PTPRE: variants seen among roughly 807,000 people sequenced by gnomAD.
The protein encoded by PTPRE is protein tyrosine phosphatase receptor type E.
A neutral mutation model predicts 102.0 loss-of-function variants in PTPRE; 51 were observed. The ratio of observed to expected loss-of-function variants is 0.50; its 90% confidence interval spans 0.40 to 0.63. PTPRE has a LOEUF of 0.63. PTPRE is among the 30% of genes least tolerant of loss of function. PTPRE has a pLI of 0.00. For synonymous variants in PTPRE, 345 were observed against 348.2 expected (o/e 0.99, Z 0.10); for missense variants, 752 against 915.1 (o/e 0.82, Z 2.30).
At chr10:128,010,595 CCTTTT>C (rs1844924531) in intron 2 of PTPRE, among the ~76,000 whole-genome samples, 1 of 29,332 alleles carries the variant, frequency 3.4e-5, no homozygotes, top group Non-Finnish European at 7.2e-5. Flanking sequence ...TCTTTTCTTT[CCTTTT>C]GAGATGGAGT....
chr10:128,080,748 G>T (rs1564980546), intron 20 of PTPRE, among the ~76,000 whole-genome samples: 1 of 152,174 alleles, frequency 6.6e-6, no homozygotes, highest in Non-Finnish European at 1.5e-5. Flanking sequence ...GTGCTCTCTT[G>T]CCTGGTAACA....
At chr10:128,079,419 CA>C (rs1028531394) in intron 19 of PTPRE, 140 bp from the exon 20 acceptor site, 876 of 1,127,460 alleles carry the variant, frequency 7.8e-4, no homozygotes, top group South Asian at 1.0e-3. Flanking sequence ...TACAAATGAT[CA>C]AAAAAAAATT....
chr10:128,036,782 G>A (rs985592081), intron 2 of PTPRE, among the ~76,000 whole-genome samples: 1 of 152,040 alleles, frequency 6.6e-6, no homozygotes, highest in South Asian at 2.1e-4. Flanking sequence ...CCATTGCTTA[G>A]ACCAATACGT....
At chr10:128,072,331 C>A (rs972213815) in intron 16 of PTPRE, 117 bp downstream of exon 16, 3 of 976,476 alleles carry the variant, frequency 3.1e-6, no homozygotes, top group Non-Finnish European at 4.5e-6. Flanking sequence ...AGAAACTCAG[C>A]CATTTTTGTT....
rs558746771 is a variant in PTPRE at position 128,014,556 on chromosome 10, T to C, written c.-7-26319T>C. Among the ~76,000 whole-genome samples, 65 of 152,220 alleles carry C rather than the reference T, an allele frequency of 4.3e-4. 1 individual carries two copies. The highest frequency in any genetic ancestry group is 4.1e-3 in the Admixed American group (63 of 15,278). On this transcript the variant is annotated intron_variant, in intron 2 of 20. Coordinates refer to ENST00000254667, the MANE Select transcript of PTPRE (RefSeq NM_006504.6). ...TATTTTTAATAAAAGAAGATTAAAA[T>C]CTGTGTATCTGCAGCATATTAAGGA... is the stretch of plus-strand genomic sequence containing the variant.
chr10:128,035,282 TAC>T (rs78184561), intron 2 of PTPRE, among the ~76,000 whole-genome samples: 2 of 151,270 alleles, frequency 1.3e-5, no homozygotes, highest in East Asian at 1.9e-4. Flanking sequence ...TGTATATATA[TAC>T]ACACACACAC....
At chr10:127,923,514 C>T (rs1846769092) in intron 1 of PTPRE, among the ~76,000 whole-genome samples, 2 of 151,616 alleles carry the variant, frequency 1.3e-5, no homozygotes, top group African/African-American at 4.9e-5. Context: ...AGTGATTCTC[C>T]CGCCTCAGCC....
Position 128,028,984 on chromosome 10 carries a change from T to G in PTPRE, c.-7-11891T>G. On this transcript the variant is annotated intron_variant, in intron 2 of 20. Coordinates refer to ENST00000254667, the MANE Select transcript of PTPRE (RefSeq NM_006504.6). This position sits in a 1 kb window ranked among gnomAD's most constrained non-coding sequence, Gnocchi z 4.5. ...CTCCCGCTGGGATTTGTCTCCACTT[T>G]GCAGTTGCCTTTTGCCCCACATGCC... is the stretch of plus-strand genomic sequence containing the variant. Among the ~76,000 whole-genome samples the G allele has an allele frequency of 6.6e-6, 1 of 152,226 alleles. No individual in the cohort carries two copies. The highest frequency in any genetic ancestry group is 1.5e-5 in the Non-Finnish European group (1 of 68,042).
At chr10:128,057,459 G>A (rs537928072) in intron 7 of PTPRE, among the ~76,000 whole-genome samples, 7 of 152,268 alleles carry the variant, frequency 4.6e-5, no homozygotes, top group African/African-American at 9.6e-5. Flanking sequence ...TGTGGGCCCC[G>A]GAATGCTGCT....
At chr10:127,979,610 G>A (rs941737294) in intron 1 of PTPRE, among the ~76,000 whole-genome samples, 1 of 152,224 alleles carries the variant, frequency 6.6e-6, no homozygotes, top group African/African-American at 2.4e-5. Context: ...CCAGGAGGTT[G>A]AGGCTGCAGT....
intron 7 of PTPRE, among the ~76,000 whole-genome samples, chr10:128,060,218 C>T (rs1849440049): frequency 6.6e-6 from 1 of 150,876 alleles, no homozygotes; most frequent in South Asian, 2.1e-4. Flanking sequence ...ACCACACACA[C>T]ACCACACATT....
At position 128,070,912 on chromosome 10, in the gene PTPRE, C is replaced by T. The variant is rs370774168; in HGVS notation, c.1387+11C>T. ...TCCAGATCATCCCGTGTAAGGCACC[C>T]GTGGCGTGGCTTGGGCAGGGCTGGG... On this transcript the variant is annotated intron_variant, in intron 15 of 20. Coordinates refer to ENST00000254667, the MANE Select transcript of PTPRE (RefSeq NM_006504.6). The surrounding 1 kb of genome is among the most constrained non-coding windows in gnomAD (Gnocchi z 4.8). The T allele has an allele frequency of 1.1e-5, 18 of 1,610,584 alleles. No homozygotes were observed. The highest frequency in any genetic ancestry group is 6.7e-5 in the East Asian group (3 of 44,862).
chr10:128,035,010 G>T (rs1400080355), intron 2 of PTPRE, among the ~76,000 whole-genome samples: 2 of 152,012 alleles, frequency 1.3e-5, no homozygotes, highest in African/African-American at 4.8e-5. Flanking sequence ...TTGACACAAG[G>T]TCTGGCTCTG....
At chr10:128,003,172 C>G (rs1283595862) in intron 2 of PTPRE, among the ~76,000 whole-genome samples, 1 of 152,142 alleles carries the variant, frequency 6.6e-6, no homozygotes, top group South Asian at 2.1e-4. Context: ...AAGGTAGTAT[C>G]CTCCTCATTG....
At chr10:128,001,462 C>T (rs1458882218) in intron 2 of PTPRE, among the ~76,000 whole-genome samples, 1 of 152,122 alleles carries the variant, frequency 6.6e-6, no homozygotes, top group East Asian at 1.9e-4. Flanking sequence ...TGTCAGACCC[C>T]CATTTTAATG....
intron 2 of PTPRE, among the ~76,000 whole-genome samples, chr10:128,023,264 A>G (rs1302027456): frequency 6.6e-6 from 1 of 152,150 alleles, no homozygotes; most frequent in African/African-American, 2.4e-5. Flanking sequence ...GTATATATAC[A>G]TTATATAGGA....
At chr10:127,976,786 G>C (rs957257403) in intron 1 of PTPRE, among the ~76,000 whole-genome samples, 23 of 152,156 alleles carry the variant, frequency 1.5e-4, no homozygotes, top group African/African-American at 5.1e-4. Context: ...AGAAAATATA[G>C]ACATTAACAG....
intron 1 of PTPRE, among the ~76,000 whole-genome samples, chr10:127,925,587 C>T (rs1271134774): frequency 2.0e-5 from 3 of 152,176 alleles, no homozygotes; most frequent in African/African-American, 7.2e-5. Context: ...GAACCATGGT[C>T]GAGGCCAGGC....
At position 128,062,858 on chromosome 10, in the gene PTPRE, C is replaced by T. The variant is rs554430271; in HGVS notation, c.626-225C>T. ...TGAACGTCATAACTCAACCTGGGCC[C>T]AATTATCTTGCCCACTGAGGAGTTC... is the stretch of plus-strand genomic sequence containing the variant. On this transcript the variant is annotated intron_variant, in intron 9 of 20. Coordinates refer to ENST00000254667, the MANE Select transcript of PTPRE (RefSeq NM_006504.6). 128 of 675,452 alleles carry T rather than the reference C, an allele frequency of 1.9e-4. No homozygotes were observed. In the South Asian group the frequency reaches 3.0e-3, roughly 16 times the overall value. 41.8% of individuals were successfully genotyped at this position (675,452 alleles called of 1,614,324 possible). A position where few individuals can be genotyped will look rare whatever the true frequency, so the allele number is the denominator to read the frequency against.
Sources: gnomAD v4.1 joint callset for allele counts (sites outside exome capture counted in the v4.1 genomes callset) on GRCh38, gnomAD v4.1.1 for gene constraint, Gnocchi (gnomAD v3.1) non-coding constraint, MANE v1.5 for transcripts, NCBI Gene and HGNC (gene_info 2026-07-23, HGNC 2026-07-21) for gene names.